Variants in SSPN observed in about 807,000 individuals in gnomAD.
SSPN encodes sarcospan.
Under a neutral mutation model 19.1 loss-of-function variants are expected in SSPN, and 15 were observed. That is an observed-to-expected ratio of 0.78 (90% CI 0.52 to 1.21). SSPN has a LOEUF of 1.21. SSPN is among the 50% of genes most tolerant of loss of function. The pLI is 0.00. For synonymous variants in SSPN, 147 were observed against 140.3 expected, an observed-to-expected ratio of 1.05 and a Z score of -0.34; for missense variants, 291 against 314.0, an observed-to-expected ratio of 0.93 and a Z score of 0.55.
chr12:26,123,727 C>T (rs1944336133), intron 1 of SSPN: 2 of 1,612,998 alleles, frequency 1.2e-6, no homozygotes, highest in Non-Finnish European at 1.7e-6. Context: ...CAGCTTTCTC[C>T]AGATGTCCCA....
chr12:26,124,084 A>T, intron 1 of SSPN: 1 of 1,604,734 alleles, frequency 6.2e-7, no homozygotes. Flanking sequence ...TCAATTTCAG[A>T]TGTTCAGGCA....
intron 1 of SSPN, among the ~76,000 whole-genome samples, chr12:26,137,151 G>A (rs1413215242): frequency 6.6e-6 from 1 of 152,172 alleles, no homozygotes; most frequent in Non-Finnish European, 1.5e-5. Context: ...TAGATAGTGT[G>A]ATAATGCCAT....
chr12:26,137,656 A>ATATATTT (rs1377562695), intron 1 of SSPN, among the ~76,000 whole-genome samples: 6 of 76,436 alleles, frequency 7.8e-5, no homozygotes, highest in African/African-American at 3.9e-4. Context: ...ATATATATAT[A>ATATATTT]TTTTTTTTTT....
intron 1 of SSPN, among the ~76,000 whole-genome samples, chr12:26,168,820 T>G (rs1245969400): frequency 6.6e-6 from 1 of 152,142 alleles, no homozygotes; most frequent in Non-Finnish European, 1.5e-5. Flanking sequence ...TTATTAGACA[T>G]TCCCTGGGGG....
intron 1 of SSPN, among the ~76,000 whole-genome samples, chr12:26,220,583 C>T (rs533752671): frequency 6.6e-6 from 1 of 152,274 alleles, no homozygotes; most frequent in African/African-American, 2.4e-5. Flanking sequence ...CTGGATGGGC[C>T]ACTGTTTCCT....
chr12:26,207,832 A>C (rs191495606), intron 1 of SSPN, among the ~76,000 whole-genome samples: 5 of 152,212 alleles, frequency 3.3e-5, no homozygotes, highest in Admixed American at 1.3e-4. Context: ...CTCTACAAAA[A>C]ATACTTTTTG....
In SSPN at chr12:26,167,259, CAT is replaced by C. The variant is rs1256380831; in HGVS notation, c.-31+45112_-31+45113del. ...ATATTTATAGTGATTGCTTAAAAGTCATATATTTTGTTGATTTTTTTCATCTC... is the reference window on the plus strand; with the variant it reads ...ATATTTATAGTGATTGCTTAAAAGTCATATTTTGTTGATTTTTTTCATCTC... On this transcript the variant is annotated intron_variant, in intron 1 of 2. Transcript: ENST00000538142. Among the ~76,000 whole-genome samples, 7 of 152,278 alleles carry C rather than the reference CAT, an allele frequency of 4.6e-5. 1 individual carries two copies. The highest frequency in any genetic ancestry group is 1.7e-4 in the African/African-American group (7 of 41,568).
upstream of SSPN, among the ~76,000 whole-genome samples, chr12:26,191,868 T>C (rs1014299692): frequency 6.6e-6 from 1 of 152,244 alleles, no homozygotes; most frequent in African/African-American, 2.4e-5. Flanking sequence ...CAAATCTAAT[T>C]GAACATTTCA....
intron 1 of SSPN, among the ~76,000 whole-genome samples, chr12:26,143,784 A>G (rs1944474106): frequency 6.6e-6 from 1 of 152,196 alleles, no homozygotes; most frequent in African/African-American, 2.4e-5. Context: ...GTGGACATGC[A>G]AGTAAAGCTT....
intron 1 of SSPN, among the ~76,000 whole-genome samples, chr12:26,179,525 C>G (rs936395878): frequency 6.6e-6 from 1 of 152,182 alleles, no homozygotes; most frequent in African/African-American, 2.4e-5. Flanking sequence ...AGAGCAACTT[C>G]TTGAACTTCA....
At chr12:26,132,053 G>C (rs1944399831) in intron 1 of SSPN, among the ~76,000 whole-genome samples, 1 of 152,162 alleles carries the variant, frequency 6.6e-6, no homozygotes, top group Non-Finnish European at 1.5e-5. Flanking sequence ...CCAGAGGGTT[G>C]ATGTTTAGAG....
chr12:26,195,641 G>GCTGGGGCCCCCC lies in SSPN; in HGVS notation c.-31_-30insTGGGGCCCCCCC. ...CTCCAGGGCCCAGGGCGCCGCACAC[G>GCTGGGGCCCCCC]CACCCACCCACCCACCCAGCCTCGC... is the stretch of plus-strand genomic sequence containing the variant. On this transcript the variant is annotated 5_prime_UTR_variant, in exon 1 of 3. Coordinates refer to ENST00000242729, the MANE Select transcript of SSPN (RefSeq NM_005086.5). 1.8e-6 allele frequency: 2 copies of GCTGGGGCCCCCC among 1,105,402 alleles called. No homozygotes were observed. The highest frequency in any genetic ancestry group is 1.7e-5 in the African/African-American group (1 of 60,322). The allele number at this position is 1,105,402 out of a possible 1,614,324, so 68.5% of individuals were successfully genotyped here. A position where few individuals can be genotyped will look rare whatever the true frequency, so the allele number is the denominator to read the frequency against.
intron 1 of SSPN, among the ~76,000 whole-genome samples, chr12:26,183,449 T>C (rs985256657): frequency 6.6e-6 from 1 of 152,216 alleles, no homozygotes; most frequent in Non-Finnish European, 1.5e-5. Context: ...TCTTAGCACA[T>C]GTTATCAAAA....
chr12:26,166,962 T>C (rs1944624958), intron 1 of SSPN, among the ~76,000 whole-genome samples: 1 of 152,254 alleles, frequency 6.6e-6, no homozygotes, highest in Admixed American at 6.5e-5. Context: ...TCCAACTATA[T>C]AGATATTTTT....
At chr12:26,213,693 C>T (rs1372933701) in intron 1 of SSPN, among the ~76,000 whole-genome samples, 2 of 151,972 alleles carry the variant, frequency 1.3e-5, no homozygotes, top group African/African-American at 4.8e-5. Context: ...GGTTGCTGGG[C>T]ATTACCAATT....
intron 1 of SSPN, among the ~76,000 whole-genome samples, chr12:26,202,020 C>G (rs1944890208): frequency 6.6e-6 from 1 of 152,098 alleles, no homozygotes; most frequent in African/African-American, 2.4e-5. Flanking sequence ...ATACTCAAGT[C>G]CCTGCTATAA....
intron 1 of SSPN, among the ~76,000 whole-genome samples, chr12:26,123,365 G>A (rs1217755811): frequency 2.0e-5 from 3 of 152,156 alleles, no homozygotes; most frequent in African/African-American, 4.8e-5. Flanking sequence ...GGGAGAGGGC[G>A]CTCTCCTCCC....
intron 1 of SSPN, among the ~76,000 whole-genome samples, chr12:26,162,138 GTCCATTTGGTCAACTCCTCA>G (rs2137425331): frequency 6.6e-6 from 1 of 152,272 alleles, no homozygotes; most frequent in African/African-American, 2.4e-5. Flanking sequence ...TCACTGGCCA[GTCCATTTGGTCAACTCCTCA>G]TTTATTCTTT....
At chr12:26,225,883 A>G (rs995626899) in intron 2 of SSPN, among the ~76,000 whole-genome samples, 1 of 152,038 alleles carries the variant, frequency 6.6e-6, no homozygotes, top group Non-Finnish European at 1.5e-5. Context: ...TTTTCCCCCC[A>G]GATGATCCCA....
Sources: gnomAD v4.1 joint callset for allele counts (sites outside exome capture counted in the v4.1 genomes callset) on GRCh38, gnomAD v4.1.1 for gene constraint, MANE v1.5 for transcripts, NCBI Gene and HGNC (gene_info 2026-07-23, HGNC 2026-07-21) for gene names.